The following PTCHD4 variants were observed in gnomAD, a reference collection of about 807,000 sequenced individuals.
PTCHD4 encodes the protein patched domain containing 4.
A neutral mutation model predicts 58.1 loss-of-function variants in PTCHD4; 33 were observed. The ratio of observed to expected loss-of-function variants is 0.57; its 90% CI spans 0.43 to 0.76. The LOEUF (loss-of-function observed/expected upper bound fraction) is 0.76, where lower values mean the gene tolerates loss of function less well. PTCHD4 is among the 30% of genes least tolerant of loss of function. PTCHD4 has a pLI of 0.00. For synonymous variants in PTCHD4, 478 were observed against 409.6 expected (o/e 1.17, Z -2.02); for missense variants, 1,058 against 1,027.1 (o/e 1.03, Z -0.41).
At chr6:47,912,454 C>T (rs1387242787) in intron 4 of PTCHD4, among the ~76,000 whole-genome samples, 1 of 152,104 alleles carries the variant, frequency 6.6e-6, no homozygotes, top group South Asian at 2.1e-4. Flanking sequence ...TTTTGGTATC[C>T]TTGACCATTG....
At chr6:48,061,821 C>CT (rs1403383397) in intron 3 of PTCHD4, among the ~76,000 whole-genome samples, 2 of 152,186 alleles carry the variant, frequency 1.3e-5, no homozygotes, top group Non-Finnish European at 2.9e-5. Flanking sequence ...CACCAGCACA[C>CT]TGGCAGAAAC....
chr6:47,990,418 G>A (rs1768236529), intron 4 of PTCHD4, among the ~76,000 whole-genome samples: 1 of 152,144 alleles, frequency 6.6e-6, no homozygotes, highest in African/African-American at 2.4e-5. Flanking sequence ...ATCTCATCTT[G>A]AGTTGTACTC....
chr6:47,962,411 C>G (rs1212324079), intron 4 of PTCHD4, among the ~76,000 whole-genome samples: 1 of 152,096 alleles, frequency 6.6e-6, no homozygotes, highest in Non-Finnish European at 1.5e-5. Context: ...GGTTTTGTGT[C>G]CCTACCCAAA....
chr6:47,922,090 A>T (rs1765451470), intron 4 of PTCHD4, among the ~76,000 whole-genome samples: 1 of 152,020 alleles, frequency 6.6e-6, no homozygotes, highest in Non-Finnish European at 1.5e-5. Context: ...GTGATGTATG[A>T]TTGCACCACT....
intron 1 of PTCHD4, among the ~76,000 whole-genome samples, chr6:48,084,720 T>C (rs1582123900): frequency 6.6e-6 from 1 of 151,272 alleles, no homozygotes; most frequent in Admixed American, 6.6e-5. Context: ...AGTACTTTTC[T>C]TTTTTTCTTT....
intron 3 of PTCHD4, among the ~76,000 whole-genome samples, chr6:48,020,316 A>G (rs954556464): frequency 6.6e-6 from 1 of 152,056 alleles, no homozygotes; most frequent in African/African-American, 2.4e-5. Flanking sequence ...CTGAAAATAA[A>G]TTTTTCCCAT....
intron 4 of PTCHD4, among the ~76,000 whole-genome samples, chr6:47,912,121 C>T (rs1213640039): frequency 6.6e-6 from 1 of 152,030 alleles, no homozygotes; most frequent in Non-Finnish European, 1.5e-5. Flanking sequence ...GGGTTATTAC[C>T]CACTCCCCTC....
intron 1 of PTCHD4, among the ~76,000 whole-genome samples, chr6:48,101,247 A>G (rs553445131): frequency 4.8e-4 from 73 of 152,296 alleles, no homozygotes; most frequent in African/African-American, 1.8e-3. Flanking sequence ...TGATATAATT[A>G]AAAAATAGAA....
At chr6:48,076,489 A>G (rs1338349949) in intron 1 of PTCHD4, among the ~76,000 whole-genome samples, 1 of 152,188 alleles carries the variant, frequency 6.6e-6, no homozygotes, top group Admixed American at 6.5e-5. Context: ...TATGGCAGCT[A>G]AGGGCCTTAC....
intron 3 of PTCHD4, among the ~76,000 whole-genome samples, chr6:48,043,240 G>A (rs1250204603): frequency 6.6e-6 from 1 of 151,746 alleles, no homozygotes; most frequent in Non-Finnish European, 1.5e-5. Flanking sequence ...TTTCCACATC[G>A]ATTCTAAGAC....
chr6:48,054,601 GC>G (rs946638894), intron 3 of PTCHD4, among the ~76,000 whole-genome samples: 15 of 151,982 alleles, frequency 9.9e-5, no homozygotes, highest in African/African-American at 3.6e-4. Context: ...CCAAAACACT[GC>G]CCCAGAAGTA....
intron 4 of PTCHD4, among the ~76,000 whole-genome samples, chr6:47,949,525 C>A (rs1486230709): frequency 6.6e-6 from 1 of 152,116 alleles, no homozygotes; most frequent in Admixed American, 6.5e-5. Context: ...GGGAAATCTG[C>A]AGTAGGGAGA....
intron 1 of PTCHD4, among the ~76,000 whole-genome samples, chr6:48,080,555 G>A (rs1225402793): frequency 6.6e-6 from 1 of 152,126 alleles, no homozygotes; most frequent in Non-Finnish European, 1.5e-5. Context: ...GGCTTCCTGG[G>A]GGGAATTCCT....
At chr6:47,889,400 G>T (rs1404421446) in intron 4 of PTCHD4, among the ~76,000 whole-genome samples, 1 of 148,962 alleles carries the variant, frequency 6.7e-6, no homozygotes, top group African/African-American at 2.5e-5. Flanking sequence ...GCATTTCTCT[G>T]ATGGCCAGTG....
At chr6:47,954,393 AC>A (rs1180420354) in intron 4 of PTCHD4, among the ~76,000 whole-genome samples, 3 of 152,142 alleles carry the variant, frequency 2.0e-5, no homozygotes, top group African/African-American at 7.2e-5. Flanking sequence ...ACATCATTTA[AC>A]TGTTTTTTAA....
intron 4 of PTCHD4, chr6:47,902,060 A>G (rs1384959201): frequency 2.2e-6 from 1 of 464,212 alleles, no homozygotes; most frequent in Non-Finnish European, 3.9e-6. Flanking sequence ...ATCAACAACA[A>G]CAGCAACCAC....
intron 1 of PTCHD4, among the ~76,000 whole-genome samples, chr6:48,071,371 A>T (rs78898643): frequency 6.6e-6 from 1 of 152,224 alleles, no homozygotes; most frequent in African/African-American, 2.4e-5. Flanking sequence ...ATGGAAATAC[A>T]TTCACTGAAT....
chr6:48,081,385 A>G (rs1274011337), intron 1 of PTCHD4, among the ~76,000 whole-genome samples: 1 of 152,176 alleles, frequency 6.6e-6, no homozygotes, highest in Non-Finnish European at 1.5e-5. Context: ...ATACAAACAA[A>G]TCTAGGTTCA....
chr6:48,044,806 C>G (rs1763975773), intron 3 of PTCHD4, among the ~76,000 whole-genome samples: 1 of 151,730 alleles, frequency 6.6e-6, no homozygotes, highest in Admixed American at 6.6e-5. Context: ...ATATTTTTGG[C>G]ATGGATTCCA....
Sources: allele counts gnomAD v4.1 joint callset (sites outside exome capture counted in the v4.1 genomes callset), GRCh38; gene constraint gnomAD v4.1.1; transcripts MANE v1.5; gene names NCBI Gene and HGNC (gene_info 2026-07-23, HGNC 2026-07-21).